The following MAP9 variants were observed in gnomAD, a reference collection of about 807,000 sequenced individuals.
MAP9 encodes microtubule associated protein 9.
In MAP9, 80 loss-of-function variants were observed where a neutral mutation model predicts 75.2. The observed-to-expected ratio is 1.06, with a 90% confidence interval of 0.89 to 1.28. MAP9 has a LOEUF of 1.28. MAP9 is among the 50% of genes most tolerant of loss of function. MAP9 has a pLI of 0.00. For synonymous variants in MAP9, 235 were observed against 237.3 expected (o/e 0.99, Z 0.09); for missense variants, 753 against 719.9 (o/e 1.05, Z -0.53).
intron 12 of MAP9, 43 bp downstream of exon 12, chr4:155,352,869 C>T: frequency 6.9e-7 from 1 of 1,451,904 alleles, no homozygotes; most frequent in Non-Finnish European, 9.3e-7. Flanking sequence ...TGAAGTGTTA[C>T]TATAATTTAA....
At position 155,347,843 on chromosome 4, in the gene MAP9, T is replaced by C; in HGVS notation, c.1884A>G (p.Glu628=). The stretch of plus-strand genomic sequence containing the variant: ...GGCTCCACGGAGGAAGTGCCTCACT[T>C]TCAAGAAAGGAATGACGTTTCTTCT... ...RKQKKRHSFL[E]SEALPPWSPP... The change falls in exon 14 of 14, where the codon GAA becomes GAG. Residue 628 remains glutamate, a synonymous_variant. Transcript: ENST00000311277. 2.5e-6 allele frequency: 4 copies of C among 1,606,990 alleles called. No individual in the cohort carries two copies. The highest frequency in any genetic ancestry group is 3.4e-6 in the Non-Finnish European group (4 of 1,175,112).
At chr4:155,361,024 T>C (rs149185382) in intron 6 of MAP9, 14 of 152,212 alleles carry the variant, frequency 9.2e-5, no homozygotes, top group African/African-American at 2.9e-4. Context: ...CATAAGAAGA[T>C]TCAGTTTTGC....
chr4:155,364,952 G>C (rs1387869394), intron 5 of MAP9, among the ~76,000 whole-genome samples: 1 of 151,690 alleles, frequency 6.6e-6, no homozygotes, highest in Non-Finnish European at 1.5e-5. Context: ...GGCAAGAAAG[G>C]AGTAACAGAG....
intron 6 of MAP9, among the ~76,000 whole-genome samples, chr4:155,360,742 A>G (rs1442092406): frequency 2.0e-5 from 3 of 152,028 alleles, no homozygotes; most frequent in Non-Finnish European, 4.4e-5. Flanking sequence ...TGAGATGACA[A>G]TATTTGTTTA....
Position 155,344,681 on chromosome 4 carries a change from GTTAC to G in MAP9, c.*3098_*3101del, listed in dbSNP as rs977445192. ...CTGGAATATTTTTATCCCATAAATC[GTTAC>G]TTTCTTTCATTAAGAAAACTTTAAC... is the stretch of plus-strand genomic sequence containing the variant. On this transcript the variant is annotated 3_prime_UTR_variant, in exon 14 of 14. Transcript: ENST00000311277. The G allele has an allele frequency of 6.6e-6, 1 of 151,778 alleles. No individual in the cohort carries two copies. The highest frequency in any genetic ancestry group is 2.4e-5 in the African/African-American group (1 of 41,392). The allele number at this position is 151,778 out of a possible 1,614,324, so 9.4% of individuals were successfully genotyped here. A position where few individuals can be genotyped will look rare whatever the true frequency, so the allele number is the denominator to read the frequency against.
At chr4:155,366,232 G>A (rs1285000429) in intron 5 of MAP9, among the ~76,000 whole-genome samples, 5 of 151,942 alleles carry the variant, frequency 3.3e-5, no homozygotes, top group African/African-American at 1.2e-4. Context: ...GGTGGTGGGT[G>A]CCTGTAGTCC....
At chr4:155,349,195 G>T (rs1202945915) in intron 13 of MAP9, among the ~76,000 whole-genome samples, 1 of 1,624 alleles carries the variant, frequency 6.2e-4, no homozygotes, top group African/African-American at 2.2e-3. Context: ...TAGTGGTGAG[G>T]GCTCTGAGAG....
Position 155,343,125 on chromosome 4 carries a change from A to G in MAP9, c.*4658T>C, listed in dbSNP as rs1731170166. The G allele has an allele frequency of 6.6e-6, 1 of 151,854 alleles. No homozygotes were observed. The highest frequency in any genetic ancestry group is 6.6e-5 in the Admixed American group (1 of 15,240). The allele number at this position is 151,854 out of a possible 1,614,324, so 9.4% of individuals were successfully genotyped here. The stretch of plus-strand genomic sequence containing the variant: ...GGCTACCAAATATGTAGTCTGACTC[A>G]TTCTTATTTCAAATAATAAAAAATA... On this transcript the variant is annotated 3_prime_UTR_variant, in exon 14 of 14. Coordinates refer to ENST00000311277, the MANE Select transcript of MAP9 (RefSeq NM_001039580.2).
intron 5 of MAP9, chr4:155,362,411 C>T (rs1189246220): frequency 7.1e-6 from 2 of 279,774 alleles, no homozygotes; most frequent in Non-Finnish European, 1.3e-5. Context: ...TTATTTTTTA[C>T]CAATTTTCAA....
At chr4:155,367,644 G>A (rs1732390820) in intron 5 of MAP9, 1 of 152,228 alleles carries the variant, frequency 6.6e-6, no homozygotes, top group African/African-American at 2.4e-5. Flanking sequence ...GAAACAGCAT[G>A]GTGGTGTCAG....
Position 155,346,968 on chromosome 4 carries a change from C to T in MAP9, c.*815G>A, listed in dbSNP as rs1009910886. The T allele has an allele frequency of 1.3e-5, 2 of 152,236 alleles. No individual in the cohort carries two copies. The highest frequency in any genetic ancestry group is 2.9e-5 in the Non-Finnish European group (2 of 67,922). The allele number at this position is 152,236 out of a possible 1,614,324, so 9.4% of individuals were successfully genotyped here. On this transcript the variant is annotated 3_prime_UTR_variant, in exon 14 of 14. Coordinates refer to ENST00000311277, the MANE Select transcript of MAP9 (RefSeq NM_001039580.2). ...AAGATGACAATAATTGCCTAAATCA[C>T]CTTTATGGCTTTAGTCAGGAAAATA...
intron 8 of MAP9, 164 bp downstream of exon 8, chr4:155,357,285 C>G: frequency 1.7e-6 from 1 of 603,248 alleles, no homozygotes; most frequent in Non-Finnish European, 2.9e-6. Context: ...ATAATATCAT[C>G]AACCAAGGGG....
At chr4:155,356,479 A>C (rs17032869) in intron 8 of MAP9, among the ~76,000 whole-genome samples, 10,038 of 152,204 alleles carry the variant, frequency 0.066, 1,073 homozygotes, top group African/African-American at 0.23. Flanking sequence ...TTGTAATTAG[A>C]AACTTAAGAA....
At position 155,355,819 on chromosome 4, in the gene MAP9, G is replaced by A. The variant is rs769566419; in HGVS notation, c.1187C>T (p.Ser396Phe). The A allele has an allele frequency of 6.2e-7, 1 of 1,613,772 alleles. No homozygotes were observed. The highest frequency in any genetic ancestry group is 8.5e-7 in the Non-Finnish European group (1 of 1,179,784). Residue 396 changes from serine (S) to phenylalanine (F), a missense_variant, in exon 9 of 14, where the codon TCT becomes TTT. Physicochemically the swap from Ser to Phe is radical, Grantham distance 155. Transcript: ENST00000311277. ...TTTTAAAGTCCCTAAATAGTGAGAA[G>A]AGGTAGTTGTCGATGGAGTTCTCCT... is the stretch of plus-strand genomic sequence containing the variant. Reference protein sequence around the residue: ...SKRRTPSTTTSSHYLGTLKVL... With the variant: ...SKRRTPSTTTFSHYLGTLKVL...
rs142335222 is a variant in MAP9 at position 155,349,922 on chromosome 4, A to C, written c.1822-2017T>G. 772 of 173,898 alleles carry C rather than the reference A, an allele frequency of 4.4e-3. 5 individuals carry two copies. Among genetic ancestry groups the C allele is most frequent in the Non-Finnish European group, 7.3e-3 (599 of 82,290 alleles). The allele number at this position is 173,898 out of a possible 1,614,324, so 10.8% of individuals were successfully genotyped here. A position where few individuals can be genotyped will look rare whatever the true frequency, so the allele number is the denominator to read the frequency against. ...GCAAATAGACAATTATATTAACTGTAATATCAGTTCAAAAGAATCAATAGT... is the reference window on the plus strand; with the variant it reads ...GCAAATAGACAATTATATTAACTGTCATATCAGTTCAAAAGAATCAATAGT... On this transcript the variant is annotated intron_variant, in intron 13 of 13. Transcript: ENST00000311277.
At position 155,352,580 on chromosome 4, in the gene MAP9, G is replaced by C; in HGVS notation, c.1821+16C>G. The C allele has an allele frequency of 6.4e-7, 1 of 1,560,904 alleles. No homozygotes were observed. The highest frequency in any genetic ancestry group is 2.3e-5 in the East Asian group (1 of 43,064). ...TACATGAAAAAGACGAAAGTGCATT[G>C]ACAAATAATACCTACCAGCCATTTT... On this transcript the variant is annotated intron_variant, in intron 13 of 13. Transcript: ENST00000311277.
intron 4 of MAP9, among the ~76,000 whole-genome samples, chr4:155,369,777 A>C (rs1732514721): frequency 6.6e-6 from 1 of 152,186 alleles, no homozygotes; most frequent in South Asian, 2.1e-4. Flanking sequence ...GAGTCCATAA[A>C]ACTTCTTTAG....
chr4:155,355,468 T>C (rs1731733101), intron 9 of MAP9, among the ~76,000 whole-genome samples: 1 of 152,160 alleles, frequency 6.6e-6, no homozygotes, highest in Non-Finnish European at 1.5e-5. Flanking sequence ...ATGTTTTGGC[T>C]TGTGCTGTAT....
intron 13 of MAP9, among the ~76,000 whole-genome samples, chr4:155,351,970 ATATT>A (rs1390468887): frequency 6.6e-6 from 1 of 152,058 alleles, no homozygotes; most frequent in Non-Finnish European, 1.5e-5. Flanking sequence ...GACAAAATGC[ATATT>A]TATATTGATA....
Sources: allele counts gnomAD v4.1 joint callset (sites outside exome capture counted in the v4.1 genomes callset), GRCh38; gene constraint gnomAD v4.1.1; transcripts MANE v1.5; gene names NCBI Gene and HGNC (gene_info 2026-07-23, HGNC 2026-07-21).